ANKFN1: variants seen among roughly 807,000 people sequenced by gnomAD.
The protein encoded by ANKFN1 is ankyrin repeat and fibronectin type III domain containing 1.
ANKFN1 carries 74 observed loss-of-function variants against 108.7 expected under a neutral mutation model. That is an observed-to-expected ratio of 0.68 (90% CI 0.56 to 0.83). The LOEUF (loss-of-function observed/expected upper bound fraction) is 0.83. Among genes scored for constraint, ANKFN1 ranks in the 40% least tolerant of loss-of-function variants. The pLI is 0.00. For synonymous variants in ANKFN1, 547 were observed against 516.2 expected (o/e 1.06, Z -0.81); for missense variants, 1,505 against 1,382.3 (o/e 1.09, Z -1.41).
intron 6 of ANKFN1, among the ~76,000 whole-genome samples, chr17:56,368,758 A>T (rs12939980): frequency 0.63 from 95,930 of 151,946 alleles, 33,146 homozygotes; most frequent in East Asian, 0.96. Flanking sequence ...TGTTGTGTCA[A>T]AAGGACATTT....
chr17:56,133,843 C>T (rs7216279), intron 4 of ANKFN1, among the ~76,000 whole-genome samples: 28,955 of 151,532 alleles, frequency 0.19, 3,276 homozygotes, highest in African/African-American at 0.3. Context: ...ACCAGATGTG[C>T]AGGGATATTT....
At chr17:56,307,658 A>T (rs2044872538) in intron 3 of ANKFN1, among the ~76,000 whole-genome samples, 1 of 152,214 alleles carries the variant, frequency 6.6e-6, no homozygotes, top group Non-Finnish European at 1.5e-5. Context: ...ACCATTGTGG[A>T]AGTCAGTGTG....
At chr17:56,493,457 A>T (rs1305888735) in intron 19 of ANKFN1, among the ~76,000 whole-genome samples, 1 of 152,182 alleles carries the variant, frequency 6.6e-6, no homozygotes, top group Non-Finnish European at 1.5e-5. Flanking sequence ...GACAGAGCAG[A>T]AAAATAGTAT....
At chr17:56,152,260 A>ATGTGTGTGTGTGTG (rs747513318), upstream of ANKFN1, among the ~76,000 whole-genome samples, 230 of 128,650 alleles carry the variant, frequency 1.8e-3, no homozygotes, top group South Asian at 6.2e-3. Context: ...ATATATATAT[A>ATGTGTGTGTGTGTG]TATGTGTGTG....
chr17:56,103,712 C>A (rs1380276568), intron 4 of ANKFN1, among the ~76,000 whole-genome samples: 1 of 152,182 alleles, frequency 6.6e-6, no homozygotes, highest in Non-Finnish European at 1.5e-5. Flanking sequence ...GATCTTGCTC[C>A]CAGAGTTCCC....
chr17:56,320,494 T>A (rs1460564209), intron 3 of ANKFN1, among the ~76,000 whole-genome samples: 2 of 152,186 alleles, frequency 1.3e-5, no homozygotes, highest in Admixed American at 6.5e-5. Flanking sequence ...AAATGGGGCT[T>A]TGTGACCTGC....
At chr17:56,422,020 C>G (rs572297874) in intron 8 of ANKFN1, among the ~76,000 whole-genome samples, 3 of 152,154 alleles carry the variant, frequency 2.0e-5, no homozygotes, top group Non-Finnish European at 4.4e-5. Context: ...TTTTATCCCT[C>G]TCATGGGTGA....
At chr17:56,311,293 C>T (rs1219399141) in intron 3 of ANKFN1, among the ~76,000 whole-genome samples, 6 of 152,158 alleles carry the variant, frequency 3.9e-5, no homozygotes, top group South Asian at 4.1e-4. Context: ...TTACTTTTCT[C>T]ATCTGTAAAT....
chr17:56,257,372 G>A (rs1017177639), intron 3 of ANKFN1, among the ~76,000 whole-genome samples: 1 of 152,196 alleles, frequency 6.6e-6, no homozygotes, highest in Non-Finnish European at 1.5e-5. Context: ...AAACAATAGA[G>A]CCACATTAAT....
At chr17:56,423,291 T>G (rs1160445493) in intron 8 of ANKFN1, among the ~76,000 whole-genome samples, 1 of 152,166 alleles carries the variant, frequency 6.6e-6, no homozygotes, top group Non-Finnish European at 1.5e-5. Context: ...AGTCAGAGGT[T>G]GTATAGCTAA....
At chr17:56,267,079 C>T (rs573857561) in intron 3 of ANKFN1, among the ~76,000 whole-genome samples, 1 of 152,240 alleles carries the variant, frequency 6.6e-6, no homozygotes, top group Admixed American at 6.5e-5. Context: ...CTCCCACCCT[C>T]GCCCTCAAGT....
At chr17:56,220,306 G>A (rs1357925389) in intron 2 of ANKFN1, among the ~76,000 whole-genome samples, 1 of 152,132 alleles carries the variant, frequency 6.6e-6, no homozygotes, top group Non-Finnish European at 1.5e-5. Context: ...TAATGCAATG[G>A]GAACAAAAAC....
intron 5 of ANKFN1, among the ~76,000 whole-genome samples, chr17:56,351,830 G>A (rs1047619426): frequency 2.0e-5 from 3 of 152,142 alleles, no homozygotes; most frequent in African/African-American, 7.2e-5. Context: ...GCTCAGCAAG[G>A]GGATTTTTGC....
chr17:56,493,455 A>G (rs779031105), intron 19 of ANKFN1, among the ~76,000 whole-genome samples: 1 of 152,208 alleles, frequency 6.6e-6, no homozygotes, highest in Non-Finnish European at 1.5e-5. Context: ...CAGACAGAGC[A>G]GAAAAATAGT....
chr17:56,153,664 A>C, intron 1 of ANKFN1, 134 bp downstream of exon 1: 1 of 1,229,104 alleles, frequency 8.1e-7, no homozygotes, highest in Non-Finnish European at 1.2e-6. Flanking sequence ...ATGGTCAGGC[A>C]GAGGGAAAGC....
chr17:56,288,761 G>T (rs2044285282), intron 3 of ANKFN1, among the ~76,000 whole-genome samples: 1 of 152,036 alleles, frequency 6.6e-6, no homozygotes, highest in African/African-American at 2.4e-5. Context: ...AAGGTCCGGT[G>T]TGCCTCCCCT....
At chr17:56,160,533 G>A (rs1909555298) in intron 1 of ANKFN1, among the ~76,000 whole-genome samples, 1 of 152,040 alleles carries the variant, frequency 6.6e-6, no homozygotes, top group Non-Finnish European at 1.5e-5. Context: ...GGAAAGTAAA[G>A]GTTTATTCAT....
chr17:56,327,886 C>A (rs2045564855), intron 4 of ANKFN1, among the ~76,000 whole-genome samples: 1 of 152,098 alleles, frequency 6.6e-6, no homozygotes, highest in African/African-American at 2.4e-5. Context: ...GTACTTTAAT[C>A]CAGAGGTCGT....
intron 8 of ANKFN1, among the ~76,000 whole-genome samples, chr17:56,392,959 C>G (rs2047481609): frequency 6.6e-6 from 1 of 152,160 alleles, no homozygotes; most frequent in Non-Finnish European, 1.5e-5. Flanking sequence ...CGAGAGCACC[C>G]AGGAAGTCTG....
Sources: gnomAD v4.1 joint callset for allele counts (sites outside exome capture counted in the v4.1 genomes callset) on GRCh38, gnomAD v4.1.1 for gene constraint, MANE v1.5 for transcripts, NCBI Gene and HGNC (gene_info 2026-07-23, HGNC 2026-07-21) for gene names.